The following MAP7 variants were observed in gnomAD, a reference collection of about 807,000 sequenced individuals.
MAP7 encodes the protein microtubule associated protein 7, also known as ensconsin.
Under a neutral mutation model 94.8 loss-of-function variants are expected in MAP7, and 52 were observed. The observed-to-expected ratio is 0.55, with a 90% CI of 0.44 to 0.69. The LOEUF is 0.69. Among genes scored for constraint, MAP7 ranks in the 30% least tolerant of loss-of-function variants. The pLI is 0.00. For missense variants in MAP7, 940 were observed against 964.6 expected (o/e 0.97, Z 0.34); for synonymous variants, 350 against 357.0 (o/e 0.98, Z 0.22).
At chr6:136,525,647 C>T (rs1000369551) in intron 1 of MAP7, among the ~76,000 whole-genome samples, 1 of 152,204 alleles carries the variant, frequency 6.6e-6, no homozygotes, top group African/African-American at 2.4e-5. Flanking sequence ...TCTACAAAAA[C>T]TGTTTCCCAT....
At chr6:136,355,682 G>A (rs531934615) in intron 16 of MAP7, among the ~76,000 whole-genome samples, 6 of 152,312 alleles carry the variant, frequency 3.9e-5, no homozygotes, top group African/African-American at 1.4e-4. Context: ...AAAATAATTT[G>A]AGGACTTTCA....
chr6:136,428,770 T>C (rs1253750002), intron 1 of MAP7, among the ~76,000 whole-genome samples: 1 of 152,288 alleles, frequency 6.6e-6, no homozygotes, highest in Middle Eastern at 3.4e-3. Flanking sequence ...CATTCAGTCA[T>C]TGATATCTGG....
intron 1 of MAP7, among the ~76,000 whole-genome samples, chr6:136,428,132 T>G (rs1270530032): frequency 1.3e-5 from 2 of 152,192 alleles, no homozygotes; most frequent in African/African-American, 4.8e-5. Flanking sequence ...GACACGCAGG[T>G]CTTTGTTAAT....
intron 1 of MAP7, among the ~76,000 whole-genome samples, chr6:136,440,582 T>A (rs1206471716): frequency 1.3e-5 from 2 of 152,218 alleles, no homozygotes; most frequent in African/African-American, 2.4e-5. Context: ...CACTTAAAAA[T>A]GCTTTTTGTT....
intron 1 of MAP7, among the ~76,000 whole-genome samples, chr6:136,467,907 G>A (rs1450935455): frequency 6.6e-6 from 1 of 152,176 alleles, no homozygotes; most frequent in Non-Finnish European, 1.5e-5. Flanking sequence ...TGAGCAGTTG[G>A]ACCTGACCCA....
In MAP7 at chr6:136,366,719, T is replaced by C. The variant is rs573802692; in HGVS notation, c.877-280A>G. ...TGTACATACTTTTAGAAAGCACCTA[T>C]ACTTTGTGTCTAAAATTAATTACCT... is the stretch of plus-strand genomic sequence containing the variant. On this transcript the variant is annotated intron_variant, in intron 8 of 17. Transcript: ENST00000354570. Among the ~76,000 whole-genome samples, 5 of 152,058 alleles carry C rather than the reference T, an allele frequency of 3.3e-5. No homozygotes were observed. In the South Asian group the frequency reaches 1.0e-3, roughly 31 times the overall value.
intron 1 of MAP7, among the ~76,000 whole-genome samples, chr6:136,546,162 G>A (rs542350792): frequency 2.6e-5 from 4 of 152,104 alleles, no homozygotes; most frequent in South Asian, 4.2e-4. Flanking sequence ...ATAAGCGTGC[G>A]CCACCACACC....
intron 16 of MAP7, among the ~76,000 whole-genome samples, chr6:136,346,586 A>G (rs1787768319): frequency 6.6e-6 from 1 of 152,212 alleles, no homozygotes; most frequent in African/African-American, 2.4e-5. Context: ...AAAATTTTAA[A>G]TCTGTCATTT....
chr6:136,429,928 G>A (rs1794404359), intron 1 of MAP7, among the ~76,000 whole-genome samples: 1 of 152,144 alleles, frequency 6.6e-6, no homozygotes, highest in African/African-American at 2.4e-5. Flanking sequence ...CACAATGCTA[G>A]CTAGCTACTC....
rs998982315 is a variant in MAP7 at position 136,358,912 on chromosome 6, C to A, written c.1912+908G>T. ...CTGGCCTGTCATTGGACCTGAGTGC[C>A]CCTGTGGGTAGAGGGACTTTGCCTA... On this transcript the variant is annotated intron_variant, in intron 15 of 17. Coordinates refer to ENST00000354570, the MANE Select transcript of MAP7 (RefSeq NM_003980.6). 5.9e-5 allele frequency among the ~76,000 whole-genome samples: 9 copies of A among 152,122 alleles called. 1 individual carries two copies. The highest frequency in any genetic ancestry group is 4.6e-4 in the Admixed American group (7 of 15,280).
chr6:136,509,731 T>C (rs1343716127), intron 1 of MAP7, among the ~76,000 whole-genome samples: 2 of 152,262 alleles, frequency 1.3e-5, no homozygotes, highest in East Asian at 3.9e-4. Flanking sequence ...GGCTATTTTT[T>C]AATTTTGCAG....
At chr6:136,372,858 C>T (rs1295734020) in intron 7 of MAP7, among the ~76,000 whole-genome samples, 1 of 151,980 alleles carries the variant, frequency 6.6e-6, no homozygotes, top group African/African-American at 2.4e-5. Flanking sequence ...GGCATGTCCA[C>T]GTAAAAAATC....
chr6:136,395,686 T>C (rs552541667), intron 3 of MAP7, among the ~76,000 whole-genome samples: 2 of 152,306 alleles, frequency 1.3e-5, no homozygotes, highest in East Asian at 3.9e-4. Context: ...TTTCATAGTT[T>C]CAGGTTACAT....
Position 136,411,606 on chromosome 6 carries a change from G to A in MAP7, c.244+14C>T, listed in dbSNP as rs376618331. On this transcript the variant is annotated intron_variant, in intron 3 of 17. Transcript: ENST00000354570. ...CCATTCAAATCAGGGCCATGGACACGGGGCCTGGGGTACCTAGCTGTTTCT... is the reference window on the plus strand; with the variant it reads ...CCATTCAAATCAGGGCCATGGACACAGGGCCTGGGGTACCTAGCTGTTTCT... 19 of 1,554,666 alleles carry A rather than the reference G, an allele frequency of 1.2e-5. No individual in the cohort carries two copies. The highest frequency in any genetic ancestry group is 8.2e-5 in the African/African-American group (6 of 73,208).
chr6:136,342,974 C>T lies in MAP7; in HGVS notation c.*1254G>A, dbSNP rs930853371. The stretch of plus-strand genomic sequence containing the variant: ...TCTCTCATTCAACCTAGCAGTTCAA[C>T]CAATTTCTCTTTTAATAAAAGCTGC... On this transcript the variant is annotated 3_prime_UTR_variant, in exon 18 of 18. Coordinates refer to ENST00000354570, the MANE Select transcript of MAP7 (RefSeq NM_003980.6). 13 of 152,332 alleles carry T rather than the reference C, an allele frequency of 8.5e-5. No individual in the cohort carries two copies. The highest frequency in any genetic ancestry group is 3.1e-4 in the African/African-American group (13 of 41,570). The allele number at this position is 152,332 out of a possible 1,614,324, so 9.4% of individuals were successfully genotyped here.
intron 1 of MAP7, chr6:136,545,502 C>T (rs988190488): frequency 6.6e-6 from 1 of 152,152 alleles, no homozygotes; most frequent in Non-Finnish European, 1.5e-5. Flanking sequence ...GAATCCTCAA[C>T]ACTTCCCCCA....
chr6:136,436,300 T>C (rs2128824414), intron 1 of MAP7, among the ~76,000 whole-genome samples: 1 of 152,288 alleles, frequency 6.6e-6, no homozygotes, highest in African/African-American at 2.4e-5. Flanking sequence ...AAACTTGACT[T>C]TGTAACAAAT....
At chr6:136,375,501 G>C (rs1775842645) in intron 7 of MAP7, among the ~76,000 whole-genome samples, 1 of 152,166 alleles carries the variant, frequency 6.6e-6, no homozygotes, top group Non-Finnish European at 1.5e-5. Flanking sequence ...TTAGGAATAT[G>C]ATGAGGTTGA....
intron 1 of MAP7, among the ~76,000 whole-genome samples, chr6:136,465,551 C>T (rs1451906734): frequency 2.6e-5 from 4 of 152,154 alleles, no homozygotes. Flanking sequence ...GATTAAATAT[C>T]AGGCAAGGCA....
Sources: allele counts gnomAD v4.1 joint callset (sites outside exome capture counted in the v4.1 genomes callset), GRCh38; gene constraint gnomAD v4.1.1; transcripts MANE v1.5; gene names NCBI Gene and HGNC (gene_info 2026-07-23, HGNC 2026-07-21).